Variants in METTL15 observed in about 807,000 individuals in gnomAD.
METTL15 encodes 12S rRNA N(4)-cytidine methyltransferase METTL15.
In METTL15, 34 loss-of-function variants were observed where a neutral mutation model predicts 38.3. That is an observed-to-expected ratio of 0.89 (90% CI 0.68 to 1.18). METTL15 has a LOEUF of 1.18. Ranked by LOEUF, METTL15 falls within the 50% of genes most tolerant of loss-of-function variation. The pLI is 0.00. For missense variants in METTL15, 438 were observed against 498.4 expected, an observed-to-expected ratio of 0.88 and a Z score of 1.15; for synonymous variants, 162 against 170.9, an observed-to-expected ratio of 0.95 and a Z score of 0.41.
intron 6 of METTL15, among the ~76,000 whole-genome samples, chr11:28,308,901 T>C (rs1324763834): frequency 1.3e-5 from 2 of 150,726 alleles, no homozygotes; most frequent in African/African-American, 2.4e-5. Context: ...GGTAGATAGA[T>C]AGATAGATAG....
At chr11:28,502,874 G>A (rs1002292112) in intron 6 of METTL15, among the ~76,000 whole-genome samples, 3 of 152,068 alleles carry the variant, frequency 2.0e-5, no homozygotes, top group East Asian at 1.9e-4. Flanking sequence ...AGGGTTTGGC[G>A]AGGAAAATCA....
At chr11:28,419,942 G>A (rs1850805619) in intron 5 of METTL15, among the ~76,000 whole-genome samples, 1 of 152,074 alleles carries the variant, frequency 6.6e-6, no homozygotes, top group South Asian at 2.1e-4. Flanking sequence ...TAGTGAGCAT[G>A]AAGACAGGCT....
intron 5 of METTL15, among the ~76,000 whole-genome samples, chr11:28,420,907 A>G (rs949678137): frequency 1.3e-5 from 2 of 152,068 alleles, no homozygotes; most frequent in African/African-American, 4.8e-5. Flanking sequence ...ACAATAGAAA[A>G]GATAAACTAA....
At chr11:28,400,051 C>G (rs1850615853) in intron 5 of METTL15, among the ~76,000 whole-genome samples, 1 of 151,848 alleles carries the variant, frequency 6.6e-6, no homozygotes, top group Non-Finnish European at 1.5e-5. Context: ...CTTAGATCAC[C>G]CTTTTCTTCT....
intron 3 of METTL15, among the ~76,000 whole-genome samples, chr11:28,150,991 A>G (rs942909357): frequency 7.6e-5 from 11 of 144,044 alleles, no homozygotes; most frequent in African/African-American, 2.6e-4. Flanking sequence ...CCATCTGTTC[A>G]GAGGCAACAG....
chr11:28,431,987 A>C (rs922955341), intron 6 of METTL15, among the ~76,000 whole-genome samples: 1 of 152,070 alleles, frequency 6.6e-6, no homozygotes, highest in Non-Finnish European at 1.5e-5. Flanking sequence ...CCCAGATTCT[A>C]TTAGGAATGG....
rs188650877 is a variant in METTL15, at chr11:28,443,748, C to T, written c.*424+19384C>T. On this transcript the variant is annotated intron_variant and NMD_transcript_variant, in intron 6 of 7. Transcript: ENST00000532947. ...GACAAACCCATTAGGGAATCCTGTC[C>T]GCTCCACTTGAGAGTATGTAGAGAA... Among the ~76,000 whole-genome samples, 4 of 152,192 alleles carry T rather than the reference C, an allele frequency of 2.6e-5. No homozygotes were observed. The East Asian group carries it at 5.8e-4, about 22-fold the overall frequency.
intron 5 of METTL15, among the ~76,000 whole-genome samples, chr11:28,294,597 A>T (rs919228012): frequency 6.6e-6 from 1 of 152,146 alleles, no homozygotes; most frequent in South Asian, 2.1e-4. Flanking sequence ...CTTCACTGGA[A>T]GGTAATTAAT....
chr11:28,410,554 A>G (rs1850715965), intron 5 of METTL15: 1 of 152,150 alleles, frequency 6.6e-6, no homozygotes, highest in Non-Finnish European at 1.5e-5. Context: ...AAAAATATTA[A>G]TATTTGACAA....
At chr11:28,255,506 G>A (rs907801685) in intron 4 of METTL15, among the ~76,000 whole-genome samples, 1 of 152,132 alleles carries the variant, frequency 6.6e-6, no homozygotes, top group Non-Finnish European at 1.5e-5. Context: ...GGTGAAAGTA[G>A]TCATCCTTGT....
At chr11:28,287,579 T>C (rs1856332040) in intron 4 of METTL15, 1 of 278,016 alleles carries the variant, frequency 3.6e-6, no homozygotes, top group Non-Finnish European at 7.0e-6. Flanking sequence ...CTTTCTGGCA[T>C]TGTTGATGCT....
chr11:28,176,763 T>A (rs1488650106), intron 3 of METTL15, among the ~76,000 whole-genome samples: 2 of 152,104 alleles, frequency 1.3e-5, no homozygotes, highest in African/African-American at 4.8e-5. Context: ...TCTGTGAGAT[T>A]CAGTTGCCTT....
intron 6 of METTL15, among the ~76,000 whole-genome samples, chr11:28,434,210 C>T (rs530136845): frequency 4.1e-4 from 62 of 152,296 alleles, no homozygotes; most frequent in Non-Finnish European, 7.4e-4. Context: ...TCACTTGGCT[C>T]TTATTCTTCT....
chr11:28,514,264 T>A (rs1278579893), intron 6 of METTL15, among the ~76,000 whole-genome samples: 1 of 152,132 alleles, frequency 6.6e-6, no homozygotes, highest in Non-Finnish European at 1.5e-5. Flanking sequence ...ACCAAGTTAG[T>A]CAAGTCAGAA....
intron 4 of METTL15, among the ~76,000 whole-genome samples, chr11:28,223,872 A>C (rs1312194652): frequency 1.3e-5 from 2 of 152,086 alleles, no homozygotes; most frequent in African/African-American, 4.8e-5. Context: ...TTTTTAACGT[A>C]GTGGAAGATG....
At chr11:28,354,189 C>T (rs972032885) in intron 4 of METTL15, among the ~76,000 whole-genome samples, 4 of 152,130 alleles carry the variant, frequency 2.6e-5, no homozygotes, top group Non-Finnish European at 5.9e-5. Flanking sequence ...CTCTTAAGGA[C>T]CCACAAAAGC....
intron 4 of METTL15, among the ~76,000 whole-genome samples, chr11:28,284,713 A>C (rs1856184900): frequency 6.6e-6 from 1 of 152,204 alleles, no homozygotes; most frequent in Non-Finnish European, 1.5e-5. Context: ...GAGCTCTATT[A>C]ATATAACTAG....
chr11:28,387,803 A>G (rs763580421), intron 5 of METTL15, among the ~76,000 whole-genome samples: 10 of 152,138 alleles, frequency 6.6e-5, no homozygotes, highest in Non-Finnish European at 1.2e-4. Context: ...TTAACAAAAT[A>G]CTAGCAAATA....
At chr11:28,209,137 A>C (rs1403489980) in intron 3 of METTL15, among the ~76,000 whole-genome samples, 1 of 152,010 alleles carries the variant, frequency 6.6e-6, no homozygotes, top group East Asian at 1.9e-4. Flanking sequence ...CACATTTTTC[A>C]GAATATTGCT....
Sources: gnomAD v4.1 joint callset for allele counts (sites outside exome capture counted in the v4.1 genomes callset) on GRCh38, gnomAD v4.1.1 for gene constraint, MANE v1.5 for transcripts, NCBI Gene and HGNC (gene_info 2026-07-23, HGNC 2026-07-21) for gene names.